Variants in GAS7 observed in about 807,000 individuals in gnomAD.
The protein encoded by GAS7 is growth arrest specific 7, also known as growth arrest-specific protein 7.
GAS7 carries 28 observed loss-of-function variants against 71.1 expected under a neutral mutation model. The ratio of observed to expected loss-of-function variants is 0.39; its 90% CI spans 0.29 to 0.54. GAS7 has a LOEUF of 0.54. Among genes scored for constraint, GAS7 ranks in the 20% least tolerant of loss-of-function variants. The pLI is 0.62. For synonymous variants in GAS7, 258 were observed against 245.8 expected (o/e 1.05, Z -0.46); for missense variants, 436 against 627.8 (o/e 0.69, Z 3.27).
intron 3 of GAS7, among the ~76,000 whole-genome samples, chr17:9,972,921 C>A (rs1567841242): frequency 6.6e-6 from 1 of 152,052 alleles, no homozygotes; most frequent in African/African-American, 2.4e-5. Flanking sequence ...CTGAAGTATA[C>A]CTGGAGGAAA....
At chr17:10,100,911 T>A (rs563983674) in intron 1 of GAS7, among the ~76,000 whole-genome samples, 41 of 152,304 alleles carry the variant, frequency 2.7e-4, no homozygotes, top group African/African-American at 9.1e-4. Flanking sequence ...TGACACTGCC[T>A]TTGCTTCTTC....
At chr17:10,161,603 C>T (rs951696656) in intron 1 of GAS7, among the ~76,000 whole-genome samples, 4 of 152,238 alleles carry the variant, frequency 2.6e-5, no homozygotes, top group Non-Finnish European at 2.9e-5. Context: ...CATTCCCACA[C>T]ATTTCAGCTG....
intron 1 of GAS7, among the ~76,000 whole-genome samples, chr17:10,119,558 C>T (rs1275799101): frequency 6.6e-6 from 1 of 152,182 alleles, no homozygotes; most frequent in African/African-American, 2.4e-5. Flanking sequence ...TGTTTAAGGT[C>T]CAAGGCCCAC....
chr17:10,142,088 C>T (rs1275589780), intron 1 of GAS7, among the ~76,000 whole-genome samples: 2 of 151,694 alleles, frequency 1.3e-5, no homozygotes, highest in Non-Finnish European at 2.9e-5. Context: ...ATTAGCCGGG[C>T]GTGGTGGCAG....
At chr17:10,000,644 C>A (rs1461152571) in intron 2 of GAS7, among the ~76,000 whole-genome samples, 1 of 152,190 alleles carries the variant, frequency 6.6e-6, no homozygotes, top group Non-Finnish European at 1.5e-5. Flanking sequence ...ATCTCTGTCT[C>A]TAAATTCTGC....
At chr17:10,050,590 C>A (rs1436698379) in intron 1 of GAS7, among the ~76,000 whole-genome samples, 4 of 152,120 alleles carry the variant, frequency 2.6e-5, no homozygotes, top group African/African-American at 7.2e-5. Context: ...GACCACTCCC[C>A]AAGATGACCT....
chr17:10,029,311 C>G (rs1204247379), intron 1 of GAS7, among the ~76,000 whole-genome samples: 1 of 152,174 alleles, frequency 6.6e-6, no homozygotes, highest in Non-Finnish European at 1.5e-5. Context: ...CTTCTAGAGA[C>G]AAGTACTCAT....
intron 1 of GAS7, among the ~76,000 whole-genome samples, chr17:10,145,047 C>T (rs1404301209): frequency 2.6e-5 from 4 of 152,164 alleles, no homozygotes; most frequent in South Asian, 2.1e-4. Context: ...AGGTTCCAAA[C>T]GGTGGCTGGG....
chr17:9,985,100 T>A (rs751590321), intron 2 of GAS7, among the ~76,000 whole-genome samples: 1 of 152,084 alleles, frequency 6.6e-6, no homozygotes, highest in Non-Finnish European at 1.5e-5. Flanking sequence ...CCATCCCTCA[T>A]ATCTAATTGG....
intron 11 of GAS7, among the ~76,000 whole-genome samples, chr17:9,924,051 G>A (rs778121563): frequency 2.0e-5 from 3 of 152,184 alleles, no homozygotes; most frequent in Non-Finnish European, 2.9e-5. Flanking sequence ...ATGATCAAAT[G>A]TATATAAATT....
intron 1 of GAS7, among the ~76,000 whole-genome samples, chr17:10,175,849 AT>A (rs2074370769): frequency 6.6e-6 from 1 of 152,182 alleles, no homozygotes; most frequent in Non-Finnish European, 1.5e-5. Flanking sequence ...ATGCAGTCAC[AT>A]TCTGAGGTAC....
chr17:9,946,642 C>T (rs942328164), intron 6 of GAS7, among the ~76,000 whole-genome samples: 2 of 152,200 alleles, frequency 1.3e-5, no homozygotes, highest in Admixed American at 6.5e-5. Context: ...AATGGCCCCC[C>T]GCTTACCTAC....
intron 1 of GAS7, among the ~76,000 whole-genome samples, chr17:10,072,072 G>A (rs1417572525): frequency 6.6e-6 from 1 of 152,130 alleles, no homozygotes; most frequent in Non-Finnish European, 1.5e-5. Flanking sequence ...CTCTATCACA[G>A]TAGTCTGCAA....
intron 6 of GAS7, 126 bp from the exon 7 acceptor site, chr17:9,943,362 C>G: frequency 1.5e-6 from 1 of 663,312 alleles, no homozygotes; most frequent in Non-Finnish European, 2.7e-6. Context: ...GACGCGGGAG[C>G]AGCTGTCTCT....
chr17:10,003,439 C>G (rs1420163419), intron 2 of GAS7, among the ~76,000 whole-genome samples: 1 of 152,256 alleles, frequency 6.6e-6, no homozygotes, highest in African/African-American at 2.4e-5. Flanking sequence ...CCATATGTCA[C>G]CAGCCACCAA....
chr17:9,973,438 G>C (rs2070054979), intron 3 of GAS7, among the ~76,000 whole-genome samples: 1 of 152,018 alleles, frequency 6.6e-6, no homozygotes, highest in Admixed American at 6.5e-5. Flanking sequence ...ATTTTTAGTG[G>C]AGACGGGGTT....
chr17:9,975,473 G>A (rs3893089), intron 3 of GAS7, among the ~76,000 whole-genome samples: 3 of 148,988 alleles, frequency 2.0e-5, no homozygotes, highest in South Asian at 2.1e-4. Context: ...CCTTCCCTTC[G>A]GGCTTCTTTT....
Position 10,198,227 on chromosome 17 carries a change from C to T in GAS7, c.164G>A (p.Ser55Asn). Residue 55 changes from serine to asparagine, a missense_variant, in exon 1 of 14, where the codon AGC (serine) becomes AAC (asparagine). Coordinates refer to ENST00000432992, the MANE Select transcript of GAS7 (RefSeq NM_201433.2). The part of the protein sequence containing the change: ...EDGLRGWFPA[S>N]YVQLLEKPGM... ...CCTTACCTCCAGCAACTGCACGTAG[C>T]TCGCCGGGAACCAGCCACGGAGCCC... The T allele has an allele frequency of 6.2e-7, 1 of 1,608,104 alleles. No individual in the cohort carries two copies. The highest frequency in any genetic ancestry group is 8.5e-7 in the Non-Finnish European group (1 of 1,179,454).
At chr17:10,056,931 A>G (rs1258978690) in intron 1 of GAS7, among the ~76,000 whole-genome samples, 2 of 151,470 alleles carry the variant, frequency 1.3e-5, no homozygotes, top group Admixed American at 1.3e-4. Flanking sequence ...CTGGGATTGC[A>G]GGCGCGCGCC....
Sources: gnomAD v4.1 joint callset for allele counts (sites outside exome capture counted in the v4.1 genomes callset) on GRCh38, gnomAD v4.1.1 for gene constraint, MANE v1.5 for transcripts, NCBI Gene and HGNC (gene_info 2026-07-23, HGNC 2026-07-21) for gene names.